The following SPECC1 variants were observed in gnomAD, a reference collection of about 807,000 sequenced individuals.
SPECC1 encodes the protein cytospin-B.
A neutral mutation model predicts 104.1 loss-of-function variants in SPECC1; 62 were observed. The ratio of observed to expected loss-of-function variants is 0.60; its 90% CI spans 0.49 to 0.74. SPECC1 has a LOEUF of 0.74. SPECC1 is among the 30% of genes least tolerant of loss of function. The pLI is 0.00. For missense variants in SPECC1, 1,306 were observed against 1,310.5 expected, an observed-to-expected ratio of 1.00 and a Z score of 0.05; for synonymous variants, 513 against 501.6, an observed-to-expected ratio of 1.02 and a Z score of -0.30.
intron 1 of SPECC1, among the ~76,000 whole-genome samples, chr17:20,042,975 C>G (rs183174518): frequency 1.4e-4 from 22 of 152,298 alleles, no homozygotes; most frequent in Admixed American, 1.3e-3. Flanking sequence ...TATGTCTGCT[C>G]TGTCCCTGGA....
chr17:20,231,736 T>G (rs774671544), intron 5 of SPECC1, 22 bp from the exon 6 acceptor site: 1 of 1,612,472 alleles, frequency 6.2e-7, no homozygotes. Context: ...TTCTAAGCCC[T>G]GTCTGAATTA....
At chr17:20,132,195 T>C (rs192006106) in intron 3 of SPECC1, among the ~76,000 whole-genome samples, 66 of 152,360 alleles carry the variant, frequency 4.3e-4, no homozygotes, top group Non-Finnish European at 7.5e-4. Flanking sequence ...TAGATTACAT[T>C]GACTGATTTT....
chr17:20,177,508 TTG>T (rs2034552265), intron 3 of SPECC1, among the ~76,000 whole-genome samples: 2 of 152,314 alleles, frequency 1.3e-5, no homozygotes, highest in Admixed American at 1.3e-4. Context: ...ATTGAGCCAT[TTG>T]TGTGTCTGTT....
At chr17:20,090,477 T>C (rs113185729) in intron 1 of SPECC1, among the ~76,000 whole-genome samples, 2,763 of 152,274 alleles carry the variant, frequency 0.018, 37 homozygotes, top group Non-Finnish European at 0.028. Flanking sequence ...GAGCCAGGAC[T>C]TGATAAATAT....
chr17:20,045,766 G>A (rs1304915941), intron 1 of SPECC1, among the ~76,000 whole-genome samples: 1 of 152,198 alleles, frequency 6.6e-6, no homozygotes, highest in Non-Finnish European at 1.5e-5. Flanking sequence ...GTTTGAGACT[G>A]TGGCAGTTTT....
intron 7 of SPECC1, chr17:20,238,432 G>C: frequency 9.6e-7 from 1 of 1,042,232 alleles, no homozygotes; most frequent in South Asian, 4.6e-5. Context: ...TGAGGAACTG[G>C]TTCACAGTGT....
At chr17:20,046,889 T>G (rs1341763411) in intron 1 of SPECC1, among the ~76,000 whole-genome samples, 1 of 147,888 alleles carries the variant, frequency 6.8e-6, no homozygotes, top group Non-Finnish European at 1.5e-5. Context: ...GGGAAGGGCT[T>G]TGTAGACCAG....
At chr17:20,065,548 C>G (rs1417404581) in intron 1 of SPECC1, among the ~76,000 whole-genome samples, 1 of 152,240 alleles carries the variant, frequency 6.6e-6, no homozygotes, top group Non-Finnish European at 1.5e-5. Flanking sequence ...TCCACGCCTT[C>G]CCTGGGTGCA....
intron 5 of SPECC1, among the ~76,000 whole-genome samples, chr17:20,230,709 A>T (rs2038521134): frequency 6.6e-6 from 1 of 152,210 alleles, no homozygotes; most frequent in Non-Finnish European, 1.5e-5. Context: ...AAAACTTTTA[A>T]ACTTTTTAAA....
In SPECC1 at chr17:20,314,594, C is replaced by CAT. The variant is rs1460560704; in HGVS notation, c.*531_*532dup. The CAT allele has an allele frequency of 4.0e-6, 1 of 248,416 alleles. No individual in the cohort carries two copies. Among genetic ancestry groups the CAT allele is most frequent in the East Asian group, 5.7e-5 (1 of 17,630 alleles). 15.4% of individuals were successfully genotyped at this position (248,416 alleles called of 1,614,324 possible). Reference sequence around the variant, plus strand: ...GTTCGAGGCTGCAGTGAGCTATGAGCATACCACTGCACTCCAGCCTGTGTG... The same window carrying CAT: ...GTTCGAGGCTGCAGTGAGCTATGAGCATATACCACTGCACTCCAGCCTGTGTG... On this transcript the variant is annotated 3_prime_UTR_variant, in exon 15 of 15. Transcript: ENST00000395527.
intron 9 of SPECC1, among the ~76,000 whole-genome samples, chr17:20,250,287 C>T (rs1228312133): frequency 6.6e-6 from 1 of 152,128 alleles, no homozygotes; most frequent in Non-Finnish European, 1.5e-5. Context: ...GATGTTTTTT[C>T]CTAGGATACT....
At chr17:20,016,659 C>G (rs923106106) in intron 1 of SPECC1, among the ~76,000 whole-genome samples, 34 of 152,240 alleles carry the variant, frequency 2.2e-4, no homozygotes, top group African/African-American at 8.2e-4. Flanking sequence ...TTAGCTGCCT[C>G]CCTGCGGGGC....
intron 3 of SPECC1, among the ~76,000 whole-genome samples, chr17:20,141,935 A>T (rs1285986508): frequency 6.6e-6 from 1 of 152,150 alleles, no homozygotes; most frequent in African/African-American, 2.4e-5. Context: ...TTGTTGTGTG[A>T]ACCTAGTCTC....
At chr17:20,202,425 T>C (rs1384203155) in intron 3 of SPECC1, among the ~76,000 whole-genome samples, 2 of 152,196 alleles carry the variant, frequency 1.3e-5, no homozygotes, top group African/African-American at 4.8e-5. Context: ...CTAGTGATGC[T>C]GGCAGTGCTC....
chr17:20,199,412 T>TA (rs1193353495), intron 3 of SPECC1, among the ~76,000 whole-genome samples: 1 of 79,962 alleles, frequency 1.3e-5, no homozygotes, highest in Non-Finnish European at 2.3e-5. Context: ...TTTTTTTTTT[T>TA]AAATAGAGAC....
In SPECC1 at chr17:20,168,546, C is replaced by T. The variant is rs567391549; in HGVS notation, c.284-35787C>T. On this transcript the variant is annotated intron_variant, in intron 3 of 14. Coordinates refer to ENST00000395527, the MANE Select transcript of SPECC1 (RefSeq NM_001243439.2). ...AAAGGTCAGGGACAAAACAGTGGTG[C>T]CCATACAAGACTGTATGACACTGTT... 5.3e-5 allele frequency among the ~76,000 whole-genome samples: 8 copies of T among 152,256 alleles called. No individual in the cohort carries two copies. In the East Asian group the frequency reaches 1.4e-3, roughly 26 times the overall value.
intron 3 of SPECC1, among the ~76,000 whole-genome samples, chr17:20,203,144 G>A (rs991268284): frequency 2.0e-5 from 3 of 152,032 alleles, no homozygotes; most frequent in African/African-American, 7.2e-5. Context: ...TCCCTCCCGT[G>A]CCCTTCCTAC....
chr17:20,303,203 A>C (rs2041650305), intron 13 of SPECC1, among the ~76,000 whole-genome samples: 1 of 152,210 alleles, frequency 6.6e-6, no homozygotes, highest in South Asian at 2.1e-4. Flanking sequence ...CTAAAAACCA[A>C]AAGGACTGAA....
In SPECC1 at chr17:20,171,769, C is replaced by G. The variant is rs2034112237; in HGVS notation, c.284-32564C>G. ...CTTGCTGTATTGCTCAGGCTGGTCTCATCCCTATTAATGTGAATTCTGGTA... is the reference window on the plus strand; with the variant it reads ...CTTGCTGTATTGCTCAGGCTGGTCTGATCCCTATTAATGTGAATTCTGGTA... On this transcript the variant is annotated intron_variant, in intron 3 of 14. Transcript: ENST00000395527. Among the ~76,000 whole-genome samples, 6 of 152,252 alleles carry G rather than the reference C, an allele frequency of 3.9e-5. No homozygotes were observed. In the South Asian group the frequency reaches 1.2e-3, roughly 32 times the overall value.
Sources: gnomAD v4.1 joint callset for allele counts (sites outside exome capture counted in the v4.1 genomes callset) on GRCh38, gnomAD v4.1.1 for gene constraint, MANE v1.5 for transcripts, NCBI Gene and HGNC (gene_info 2026-07-23, HGNC 2026-07-21) for gene names.